The following C1orf167 variants were observed in gnomAD, a reference collection of about 807,000 sequenced individuals.
The protein encoded by C1orf167 is uncharacterized protein C1orf167.
Under a neutral mutation model 176.5 loss-of-function variants are expected in C1orf167, and 153 were observed. The observed-to-expected ratio is 0.87, with a 90% CI of 0.76 to 0.99. The LOEUF (loss-of-function observed/expected upper bound fraction) is 0.99, where lower values mean the gene tolerates loss of function less well. Among genes scored for constraint, C1orf167 ranks in the 50% least tolerant of loss-of-function variants. The pLI is 0.00. For missense variants in C1orf167, 1,490 were observed against 1,817.7 expected, an observed-to-expected ratio of 0.82 and a Z score of 3.28; for synonymous variants, 594 against 752.7, an observed-to-expected ratio of 0.79 and a Z score of 3.45.
At position 11,764,039 on chromosome 1, in the gene C1orf167, G is replaced by A. The variant is rs997463709; in HGVS notation, c.-70-292G>A. ...ATGCTGAGATGCCTGTTAGACATCC[G>A]GGTAGGCGTGGAGGAGGTCGCTGGA... is the stretch of plus-strand genomic sequence containing the variant. On this transcript the variant is annotated intron_variant, in intron 1 of 20. Transcript: ENST00000688073. Among the ~76,000 whole-genome samples, 5 of 152,222 alleles carry A rather than the reference G, an allele frequency of 3.3e-5. No individual in the cohort carries two copies. In the East Asian group the frequency reaches 5.8e-4, roughly 18 times the overall value.
chr1:11,778,752 G>T lies in C1orf167; in HGVS notation c.2432G>T (p.Cys811Phe). ...RALGPDATSS[C>F]TKTPSALEPL... ...CTGGGCCCAGATGCCACATCAAGCT[G>T]CACCAAGACCCCCTCGGCTCTGGAG... Residue 811 changes from cysteine to phenylalanine, a missense_variant, in exon 11 of 21, where the codon TGC (cysteine) becomes TTC (phenylalanine). Physicochemically the swap from Cys to Phe is radical, Grantham distance 205 (BLOSUM62 -2). Transcript: ENST00000688073. The T allele has an allele frequency of 2.3e-6, 3 of 1,303,760 alleles. No individual in the cohort carries two copies. Among genetic ancestry groups the T allele is most frequent in the Non-Finnish European group, 3.0e-6 (3 of 988,794 alleles). 80.8% of individuals were successfully genotyped at this position (1,303,760 alleles called of 1,614,324 possible).
intron 14 of C1orf167, among the ~76,000 whole-genome samples, chr1:11,782,588 G>A (rs911847057): frequency 6.6e-6 from 1 of 152,136 alleles, no homozygotes; most frequent in Non-Finnish European, 1.5e-5. Context: ...TCCAGCTCCT[G>A]GCCAGGTCAG....
At chr1:11,781,048 C>T (rs1643577363) in intron 13 of C1orf167, among the ~76,000 whole-genome samples, 1 of 135,872 alleles carries the variant, frequency 7.4e-6, no homozygotes, top group Non-Finnish European at 1.5e-5. Context: ...GTTGCCCAGG[C>T]ATGCAGTGGT....
intron 1 of C1orf167, 47 bp from the exon 2 acceptor site, chr1:11,764,284 G>A: frequency 1.4e-6 from 1 of 721,864 alleles, no homozygotes; most frequent in South Asian, 1.4e-5. Context: ...GGATCAGAAT[G>A]GGGTGGGGTT....
rs1246187476 is a variant in C1orf167, at chr1:11,767,265, G to A, written c.1343+1G>A. 3.1e-6 allele frequency: 4 copies of A among 1,289,528 alleles called. No homozygotes were observed. The highest frequency in any genetic ancestry group is 3.0e-6 in the Non-Finnish European group (3 of 988,648). The allele number at this position is 1,289,528 out of a possible 1,614,324, so 79.9% of individuals were successfully genotyped here. A position where few individuals can be genotyped will look rare whatever the true frequency, so the allele number is the denominator to read the frequency against. On this transcript the variant is annotated splice_donor_variant, in intron 4 of 20. Coordinates refer to ENST00000688073, the MANE Select transcript of C1orf167 (RefSeq NM_001010881.2). LOFTEE classifies it high-confidence loss of function. Reference sequence around the variant, plus strand: ...CAGCCCCAGAGTCTGAGGCAATCTGGTGAGGCCATGGCTGGGTGGGGACAG... The same window carrying A: ...CAGCCCCAGAGTCTGAGGCAATCTGATGAGGCCATGGCTGGGTGGGGACAG...
intron 10 of C1orf167, chr1:11,777,855 A>C (rs1252740366): frequency 6.6e-6 from 1 of 152,276 alleles, no homozygotes; most frequent in Admixed American, 6.6e-5. Context: ...ACTTCAGGGC[A>C]CAGTTCATAT....
Position 11,766,316 on chromosome 1 carries a change from CT to C in C1orf167, c.531del (p.Ser178AlafsTer147), listed in dbSNP as rs1207864046. 6 of 1,288,090 alleles carry C rather than the reference CT, an allele frequency of 4.7e-6. No individual in the cohort carries two copies. Among genetic ancestry groups the C allele is most frequent in the Non-Finnish European group, 5.1e-6 (5 of 988,232 alleles). 79.8% of individuals were successfully genotyped at this position (1,288,090 alleles called of 1,614,324 possible). ...RQSGLPAPGT[P>X]SGDFRPTEAF... ...TCCGGGCTGCCGGCCCCAGGCACCCCTAGCGGGGACTTCAGGCCCACTGAAG... is the reference window on the plus strand; with the variant it reads ...TCCGGGCTGCCGGCCCCAGGCACCCCAGCGGGGACTTCAGGCCCACTGAAG... On this transcript the variant is annotated frameshift_variant, in exon 3 of 21. Coordinates refer to ENST00000688073, the MANE Select transcript of C1orf167 (RefSeq NM_001010881.2). LOFTEE classifies it high-confidence loss of function. This position sits in a 1 kb window ranked among gnomAD's most constrained non-coding sequence, Gnocchi z 4.5.
intron 13 of C1orf167, among the ~76,000 whole-genome samples, chr1:11,781,771 G>A (rs1301956637): frequency 6.6e-6 from 1 of 152,024 alleles, no homozygotes; most frequent in Admixed American, 6.6e-5. Flanking sequence ...TTAGCCAGGC[G>A]TGGTAGTGTG....
rs546502055 is a variant in C1orf167 at position 11,787,985 on chromosome 1, G to A, written c.3786G>A (p.Ala1262=). ...GGACGAGGGACCAGGGACCAAGAGC[G>A]CACTCCAGCCCTGAGCCCAGAGCCT... ...PLWTRDQGPR[A]HSSPEPRACK... Residue 1262 remains alanine (A), a synonymous_variant, in exon 18 of 21, where the codon GCG becomes GCA. Transcript: ENST00000688073. The A allele has an allele frequency of 4.8e-5, 63 of 1,304,222 alleles. No homozygotes were observed. The highest frequency in any genetic ancestry group is 1.4e-4 in the South Asian group (11 of 81,022). 80.8% of individuals were successfully genotyped at this position (1,304,222 alleles called of 1,614,324 possible). A position where few individuals can be genotyped will look rare whatever the true frequency, so the allele number is the denominator to read the frequency against.
intron 6 of C1orf167, among the ~76,000 whole-genome samples, 170 bp from the exon 7 acceptor site, chr1:11,771,354 A>T (rs1160363807): frequency 1.3e-5 from 2 of 152,122 alleles, no homozygotes; most frequent in African/African-American, 4.8e-5. Flanking sequence ...TCCCCCCAGC[A>T]ATAGCTTTTA....
Position 11,788,187 on chromosome 1 carries a change from C to A in C1orf167, c.3887C>A (p.Ala1296Asp). Residue 1296 changes from alanine (A) to aspartate (D), a missense_variant, in exon 19 of 21, where the codon GCC becomes GAC. Ala to Asp is a moderately radical substitution (Grantham distance 126, BLOSUM62 -2). Transcript: ENST00000688073. ...AGGATCCTGGAAAAGCAGGCCCAGG[C>A]CCATGGCTCTGCCCTCCTTCTGGCC... ...SCRILEKQAQ[A>D]HGSALLLALK... The A allele has an allele frequency of 5.4e-6, 7 of 1,297,166 alleles. No individual in the cohort carries two copies. The highest frequency in any genetic ancestry group is 5.1e-6 in the Non-Finnish European group (5 of 983,292). 80.4% of individuals were successfully genotyped at this position (1,297,166 alleles called of 1,614,324 possible).
rs140151828 is a variant in C1orf167, at chr1:11,767,252, C to T, written c.1331C>T (p.Ser444Phe). 303 of 1,289,500 alleles carry T rather than the reference C, an allele frequency of 2.3e-4. 3 individuals carry two copies. The Middle Eastern group carries it at 3.4e-3, about 15-fold the overall frequency. The allele number at this position is 1,289,500 out of a possible 1,614,324, so 79.9% of individuals were successfully genotyped here. ...GCACAAAACATCACAGCCCCAGAGT[C>T]TGAGGCAATCTGGTGAGGCCATGGC... ...NKAQNITAPE[S>F]EAICWQLLSR... Residue 444 changes from serine (S) to phenylalanine (F), a missense_variant, in exon 4 of 21, where the codon TCT (serine) becomes TTT (phenylalanine). Physicochemically the swap from Ser to Phe is radical, Grantham distance 155 (BLOSUM62 -2). Transcript: ENST00000688073.
chr1:11,771,713 C>T (rs1004646746), intron 7 of C1orf167, 77 bp downstream of exon 7: 15 of 943,378 alleles, frequency 1.6e-5, no homozygotes, highest in African/African-American at 3.4e-5. Flanking sequence ...TGGGCAGGGG[C>T]GGGGGACCCT....
intron 13 of C1orf167, among the ~76,000 whole-genome samples, chr1:11,780,263 G>A (rs1227726550): frequency 6.6e-6 from 1 of 152,198 alleles, no homozygotes; most frequent in Non-Finnish European, 1.5e-5. Flanking sequence ...AGAGAGGTCC[G>A]CTGAGCTGTG....
Position 11,779,030 on chromosome 1 carries a change from C to G in C1orf167, c.2601C>G (p.Ala867=). 7.7e-7 allele frequency: 1 copy of G among 1,292,864 alleles called. No homozygotes were observed. Among genetic ancestry groups the G allele is most frequent in the South Asian group, 1.3e-5 (1 of 78,908 alleles). 80.1% of individuals were successfully genotyped at this position (1,292,864 alleles called of 1,614,324 possible). ...GCCTTCTGCTCTGGCAGGCACGGGCCCAGCAGTTCCAGGGCACAGCCAGGT... is the reference window on the plus strand; with the variant it reads ...GCCTTCTGCTCTGGCAGGCACGGGCGCAGCAGTTCCAGGGCACAGCCAGGT... ...GQCLLLWQAR[A]QQFQGTARWY... is the part of the protein sequence containing the mutation. The change falls in exon 12 of 21, where the codon GCC becomes GCG. Residue 867 remains alanine, a synonymous_variant. Transcript: ENST00000688073.
chr1:11,773,434 G>A (rs6541000), intron 8 of C1orf167, among the ~76,000 whole-genome samples: 87,110 of 151,680 alleles, frequency 0.57, 25,874 homozygotes, highest in East Asian at 0.77. Context: ...CTGGCCGGGC[G>A]CGGTGGCTCA....
Position 11,767,069 on chromosome 1 carries a change from C to T in C1orf167, c.1283C>T (p.Ala428Val), listed in dbSNP as rs1183446544. Residue 428 changes from alanine to valine, a missense_variant, in exon 3 of 21, where the codon GCG becomes GTG. Ala to Val is a moderately conservative substitution (Grantham distance 64). Transcript: ENST00000688073. ...TAFHLSDTVP[A>V]SSASKNKAQN... The stretch of plus-strand genomic sequence containing the variant: ...TTCCATCTGTCAGACACAGTCCCAG[C>T]GAGCAGTGCGTCGAAGGTAGAGGCC... 5 of 1,232,624 alleles carry T rather than the reference C, an allele frequency of 4.1e-6. No homozygotes were observed. The highest frequency in any genetic ancestry group is 5.7e-5 in the East Asian group (1 of 17,532). The allele number at this position is 1,232,624 out of a possible 1,614,324, so 76.4% of individuals were successfully genotyped here.
chr1:11,787,722 C>CT (rs1643924832), intron 17 of C1orf167, 151 bp from the exon 18 acceptor site: 1 of 1,106,262 alleles, frequency 9.0e-7, no homozygotes, highest in African/African-American at 1.7e-5. Flanking sequence ...CCGGGAGAGG[C>CT]TGGAGGCCTG....
Position 11,766,313 on chromosome 1 carries a change from C to G in C1orf167, c.527C>G (p.Thr176Ser), listed in dbSNP as rs556572610. ...CAGTCCGGGCTGCCGGCCCCAGGCA[C>G]CCCTAGCGGGGACTTCAGGCCCACT... ...LRQSGLPAPG[T>S]PSGDFRPTEA... Residue 176 changes from threonine to serine, a missense_variant, in exon 3 of 21, where the codon ACC (threonine) becomes AGC (serine). Transcript: ENST00000688073. The surrounding 1 kb of genome is among the most constrained non-coding windows in gnomAD (Gnocchi z 4.5). The G allele has an allele frequency of 7.8e-7, 1 of 1,288,372 alleles. No individual in the cohort carries two copies. Among genetic ancestry groups the G allele is most frequent in the African/African-American group, 1.5e-5 (1 of 65,800 alleles). 79.8% of individuals were successfully genotyped at this position (1,288,372 alleles called of 1,614,324 possible).
Sources: allele counts gnomAD v4.1 joint callset (sites outside exome capture counted in the v4.1 genomes callset), GRCh38; gene constraint gnomAD v4.1.1; non-coding constraint Gnocchi (gnomAD v3.1); transcripts MANE v1.5; gene names NCBI Gene and HGNC (gene_info 2026-07-23, HGNC 2026-07-21).